Variants in STXBP5L observed in about 807,000 individuals in gnomAD.
The protein encoded by STXBP5L is syntaxin-binding protein 5-like.
A neutral mutation model predicts 144.5 loss-of-function variants in STXBP5L; 65 were observed. The observed-to-expected ratio is 0.45, with a 90% CI of 0.37 to 0.55. The LOEUF is 0.55. Ranked by LOEUF, STXBP5L falls within the 20% of genes least tolerant of loss-of-function variation. The pLI, the probability that STXBP5L is intolerant of heterozygous loss-of-function variation, is 0.00. For synonymous variants in STXBP5L, 505 were observed against 469.6 expected, an observed-to-expected ratio of 1.08 and a Z score of -0.97; for missense variants, 1,298 against 1,405.5, an observed-to-expected ratio of 0.92 and a Z score of 1.22.
intron 19 of STXBP5L, among the ~76,000 whole-genome samples, chr3:121,302,093 A>G (rs1177991022): frequency 9.2e-5 from 14 of 152,156 alleles, no homozygotes; most frequent in Middle Eastern, 3.4e-3. Context: ...CTCTTTTTCT[A>G]TTGATTGGAA....
chr3:121,144,247 A>C (rs1189789834), intron 7 of STXBP5L, among the ~76,000 whole-genome samples: 15 of 151,890 alleles, frequency 9.9e-5, no homozygotes, highest in African/African-American at 3.4e-4. Context: ...GGGGAAGAGA[A>C]GTTTTAAGTG....
chr3:121,140,876 A>C (rs983704494), intron 7 of STXBP5L, among the ~76,000 whole-genome samples: 1 of 152,318 alleles, frequency 6.6e-6, no homozygotes, highest in African/African-American at 2.4e-5. Context: ...TGAAAAATAT[A>C]GAGTGTAGAT....
chr3:121,318,385 AAG>A, intron 19 of STXBP5L, 88 bp from the exon 20 acceptor site: 1 of 854,094 alleles, frequency 1.2e-6, no homozygotes, highest in Non-Finnish European at 1.7e-6. Flanking sequence ...ACATAAAAAA[AAG>A]CCTTTTAAAC....
chr3:120,979,233 A>G (rs1011589301), intron 3 of STXBP5L, among the ~76,000 whole-genome samples: 3 of 152,150 alleles, frequency 2.0e-5, no homozygotes, highest in African/African-American at 7.2e-5. Flanking sequence ...TTGTTTACCT[A>G]AGCAAGCCTG....
intron 10 of STXBP5L, among the ~76,000 whole-genome samples, chr3:121,222,789 T>C (rs1440331885): frequency 6.6e-6 from 1 of 152,174 alleles, no homozygotes; most frequent in Non-Finnish European, 1.5e-5. Context: ...TTTAGACTGG[T>C]CCATTAGTAA....
Position 121,173,855 on chromosome 3 carries a change from T to G in STXBP5L, c.877+16228T>G, listed in dbSNP as rs543592215. ...GTTTTTTCTCATAATGTCATGACTT[T>G]TTTCTGCTTGTTAGGAACATTTCCA... On this transcript the variant is annotated intron_variant, in intron 9 of 26. Transcript: ENST00000471454. Among the ~76,000 whole-genome samples the G allele has an allele frequency of 2.0e-5, 3 of 151,904 alleles. No individual in the cohort carries two copies. The East Asian group carries it at 5.8e-4, about 29-fold the overall frequency.
rs114803438 is a variant in STXBP5L at position 121,102,686 on chromosome 3, C to A, written c.471-12239C>A. ...TCTTCAAAAGCAATTACAGCAAAAT[C>A]AAAAATTGACAAGTGGGACCTAATT... On this transcript the variant is annotated intron_variant, in intron 5 of 26. Transcript: ENST00000471454. Among the ~76,000 whole-genome samples the A allele has an allele frequency of 4.6e-3, 702 of 152,150 alleles. 6 individuals carry two copies. The highest frequency in any genetic ancestry group is 0.016 in the African/African-American group (663 of 41,530).
At chr3:121,389,015 G>A (rs1188264312) in intron 22 of STXBP5L, among the ~76,000 whole-genome samples, 3 of 152,162 alleles carry the variant, frequency 2.0e-5, no homozygotes, top group Non-Finnish European at 4.4e-5. Context: ...GAATCCATCT[G>A]ATCCTGGACT....
At chr3:121,247,855 A>G (rs1282374467) in intron 14 of STXBP5L, among the ~76,000 whole-genome samples, 1 of 152,160 alleles carries the variant, frequency 6.6e-6, no homozygotes, top group Non-Finnish European at 1.5e-5. Context: ...TGCTAGGTCA[A>G]ATGGTAGCTC....
rs1258708698 is a variant in STXBP5L at position 121,407,514 on chromosome 3, A to G, written c.2859A>G (p.Thr953=). Residue 953 remains threonine (T), a synonymous_variant, in exon 23 of 27, where the codon ACA becomes ACG. Coordinates refer to ENST00000471454, the MANE Select transcript of STXBP5L (RefSeq NM_001308330.2). Reference sequence around the variant, plus strand: ...TTTATGTTCATAACATCACGGAGACATCTTTTATACTGCAAGCAAATGTGG... The same window carrying G: ...TTTATGTTCATAACATCACGGAGACGTCTTTTATACTGCAAGCAAATGTGG... ...TCLYVHNITE[T]SFILQANVVV... 1 of 1,613,376 alleles carries G rather than the reference A, an allele frequency of 6.2e-7. No individual in the cohort carries two copies. The highest frequency in any genetic ancestry group is 1.1e-5 in the South Asian group (1 of 91,068).
chr3:121,378,892 T>G lies in STXBP5L; in HGVS notation c.2347+6T>G, dbSNP rs771525007. ...TTTACCAGTTACAACAGAAGGTATG[T>G]TAAACATATTAAATTTTTTTGTTAC... On this transcript the variant is annotated splice_donor_region_variant and intron_variant, in intron 21 of 26. Transcript: ENST00000471454. 3 of 1,603,206 alleles carry G rather than the reference T, an allele frequency of 1.9e-6. No homozygotes were observed. The highest frequency in any genetic ancestry group is 2.2e-5 in the South Asian group (2 of 89,684).
At chr3:121,062,671 C>T (rs1299044384) in intron 5 of STXBP5L, among the ~76,000 whole-genome samples, 1 of 152,224 alleles carries the variant, frequency 6.6e-6, no homozygotes, top group Non-Finnish European at 1.5e-5. Flanking sequence ...GGTCTTTTCA[C>T]ATAGTCCCAT....
chr3:120,967,964 G>C (rs949291681), intron 3 of STXBP5L, among the ~76,000 whole-genome samples: 1 of 152,140 alleles, frequency 6.6e-6, no homozygotes, highest in Non-Finnish European at 1.5e-5. Flanking sequence ...GGTCAGAAAA[G>C]TTATTTAATA....
Position 121,157,755 on chromosome 3 carries a change from C to G in STXBP5L, c.877+128C>G, listed in dbSNP as rs902768759. 1.5e-5 allele frequency: 19 copies of G among 1,243,686 alleles called. No homozygotes were observed. The Admixed American group carries it at 4.4e-4, about 29-fold the overall frequency. The allele number at this position is 1,243,686 out of a possible 1,614,324, so 77.0% of individuals were successfully genotyped here. On this transcript the variant is annotated intron_variant, in intron 9 of 26. Transcript: ENST00000471454. ...ACATAGCTTCTGGTTCTAAACATCC[C>G]TTTTATACCACCTACAGATCCCAAC...
At chr3:121,313,588 G>A (rs1466873872) in intron 19 of STXBP5L, among the ~76,000 whole-genome samples, 2 of 74,106 alleles carry the variant, frequency 2.7e-5, no homozygotes, top group African/African-American at 5.7e-5. Context: ...CCTCCCTCCC[G>A]GACGGGGCGG....
intron 3 of STXBP5L, among the ~76,000 whole-genome samples, chr3:121,026,285 C>T (rs1317837625): frequency 6.6e-6 from 1 of 151,808 alleles, no homozygotes; most frequent in Non-Finnish European, 1.5e-5. Flanking sequence ...TCTAGATCAC[C>T]TGGATTATTG....
intron 5 of STXBP5L, among the ~76,000 whole-genome samples, chr3:121,062,442 T>C (rs6807604): frequency 0.25 from 38,365 of 152,204 alleles, 5,008 homozygotes; most frequent in African/African-American, 0.28. Context: ...CATTTTTTCC[T>C]TCATTTCAAC....
At chr3:121,126,238 CA>C in intron 7 of STXBP5L, among the ~76,000 whole-genome samples, 1 of 152,258 alleles carries the variant, frequency 6.6e-6, no homozygotes, top group Non-Finnish European at 1.5e-5. Context: ...CCTGTTTTCT[CA>C]AAATGTTTTA....
chr3:121,196,835 T>G (rs1443601248), intron 9 of STXBP5L, among the ~76,000 whole-genome samples: 1 of 148,604 alleles, frequency 6.7e-6, no homozygotes, highest in Non-Finnish European at 1.5e-5. Context: ...ATGCCCAGAT[T>G]ATTGATTGAT....
Sources: allele counts gnomAD v4.1 joint callset (sites outside exome capture counted in the v4.1 genomes callset), GRCh38; gene constraint gnomAD v4.1.1; transcripts MANE v1.5; gene names NCBI Gene and HGNC (gene_info 2026-07-23, HGNC 2026-07-21).